The following TUBA4A variants were observed in gnomAD, a reference collection of about 807,000 sequenced individuals.
The protein encoded by TUBA4A is tubulin alpha-4A chain.
TUBA4A carries 23 observed loss-of-function variants against 34.3 expected under a neutral mutation model. The observed-to-expected ratio is 0.67, with a 90% CI of 0.48 to 0.95. The LOEUF (loss-of-function observed/expected upper bound fraction) is 0.95, where lower values mean the gene tolerates loss of function less well. TUBA4A is among the 40% of genes least tolerant of loss of function. The pLI, the probability that TUBA4A is intolerant of heterozygous loss-of-function variation, is 0.00. For synonymous variants in TUBA4A, 216 were observed against 230.5 expected (o/e 0.94, Z 0.57); for missense variants, 279 against 599.0 (o/e 0.47, Z 5.58).
In TUBA4A at chr2:219,252,202, T is replaced by G. The variant is rs923338283; in HGVS notation, c.32A>C (p.Gln11Pro). The G allele has an allele frequency of 3.7e-6, 6 of 1,613,954 alleles. No homozygotes were observed. In the Admixed American group the frequency reaches 6.7e-5, roughly 18 times the overall value. ...GGCATTGCCCATCTGGACACCTGCC[T>G]GCCCCACGTGGACTGAGATGCATTC... MRECISVHVGQAGVQMGNACW... is the reference protein window; with the variant it reads MRECISVHVGPAGVQMGNACW... Residue 11 changes from glutamine to proline, a missense_variant, in exon 2 of 4, where the codon CAG (glutamine) becomes CCG (proline). Around this residue, in one of 3 missense-constraint regions of TUBA4A, gnomAD observed 98 missense variants for 171.1 expected, o/e 0.57. Coordinates refer to ENST00000248437, the MANE Select transcript of TUBA4A (RefSeq NM_006000.3). The surrounding 1 kb of genome is among the most constrained non-coding windows in gnomAD (Gnocchi z 4.1).
rs1031012873 is a variant in TUBA4A at position 219,252,688 on chromosome 2, C to T, written c.4-458G>A. The T allele has an allele frequency of 6.8e-6, 3 of 442,510 alleles. No homozygotes were observed. Among genetic ancestry groups the T allele is most frequent in the African/African-American group, 4.0e-5 (2 of 49,692 alleles). 27.4% of individuals were successfully genotyped at this position (442,510 alleles called of 1,614,324 possible). A position where few individuals can be genotyped will look rare whatever the true frequency, so the allele number is the denominator to read the frequency against. On this transcript the variant is annotated intron_variant, in intron 1 of 3. Transcript: ENST00000248437. This position sits in a 1 kb window ranked among gnomAD's most constrained non-coding sequence, Gnocchi z 4.1. Reference sequence around the variant, plus strand: ...GACCACACGCCATCAGGATGCCCTCCTCCCTCACCTTTAAATCCCATCTGG... The same window carrying T: ...GACCACACGCCATCAGGATGCCCTCTTCCCTCACCTTTAAATCCCATCTGG...
At position 219,252,719 on chromosome 2, in the gene TUBA4A, G is replaced by A. The variant is rs1240645862; in HGVS notation, c.4-489C>T. Reference sequence around the variant, plus strand: ...CACCTTTAAATCCCATCTGGCTCTGGGGATCAATCCCATCTGGCTCCTCTC... The same window carrying A: ...CACCTTTAAATCCCATCTGGCTCTGAGGATCAATCCCATCTGGCTCCTCTC... On this transcript the variant is annotated intron_variant, in intron 1 of 3. Transcript: ENST00000248437. This position sits in a 1 kb window ranked among gnomAD's most constrained non-coding sequence, Gnocchi z 4.1. The A allele has an allele frequency of 1.8e-5, 8 of 456,350 alleles. No homozygotes were observed. The Admixed American group carries it at 1.9e-4, about 11-fold the overall frequency. The allele number at this position is 456,350 out of a possible 1,614,324, so 28.3% of individuals were successfully genotyped here. A position where few individuals can be genotyped will look rare whatever the true frequency, so the allele number is the denominator to read the frequency against.
chr2:219,252,877 C>T lies in TUBA4A; in HGVS notation c.4-647G>A. 2.1e-6 allele frequency: 1 copy of T among 472,324 alleles called. No individual in the cohort carries two copies. Among genetic ancestry groups the T allele is most frequent in the Non-Finnish European group, 4.4e-6 (1 of 227,892 alleles). The allele number at this position is 472,324 out of a possible 1,614,324, so 29.3% of individuals were successfully genotyped here. A position where few individuals can be genotyped will look rare whatever the true frequency, so the allele number is the denominator to read the frequency against. Reference sequence around the variant, plus strand: ...GCAATAAGGTTTGAGGGTACTGGGGCGCTCACTGCCTTAGGCTCCGTCCCT... The same window carrying T: ...GCAATAAGGTTTGAGGGTACTGGGGTGCTCACTGCCTTAGGCTCCGTCCCT... On this transcript the variant is annotated intron_variant, in intron 1 of 3. Transcript: ENST00000248437. The surrounding 1 kb of genome is among the most constrained non-coding windows in gnomAD (Gnocchi z 4.1).
chr2:219,253,842 C>G lies in TUBA4A; in HGVS notation c.3+14G>C. 6.6e-7 allele frequency: 1 copy of G among 1,508,224 alleles called. No individual in the cohort carries two copies. The highest frequency in any genetic ancestry group is 8.8e-7 in the Non-Finnish European group (1 of 1,132,462). The allele number at this position is 1,508,224 out of a possible 1,614,324, so 93.4% of individuals were successfully genotyped here. On this transcript the variant is annotated intron_variant, in intron 1 of 3. Transcript: ENST00000248437. ...ATTAGGGGACAGGCGCGACCCCGGCCGGGCCGCACTCACCATGGTGAGTCC... is the reference window on the plus strand; with the variant it reads ...ATTAGGGGACAGGCGCGACCCCGGCGGGGCCGCACTCACCATGGTGAGTCC...
rs1283937667 is a variant in TUBA4A, at chr2:219,250,319, A to G, written c.*33T>C. ...CTGTTTATTTCGAAAGGATTTTGCAATAAACATAGTGAATAGGCTCCAGGC... is the reference window on the plus strand; with the variant it reads ...CTGTTTATTTCGAAAGGATTTTGCAGTAAACATAGTGAATAGGCTCCAGGC... On this transcript the variant is annotated 3_prime_UTR_variant, in exon 4 of 4. Transcript: ENST00000248437. This position sits in a 1 kb window ranked among gnomAD's most constrained non-coding sequence, Gnocchi z 8.4. 2 of 1,571,780 alleles carry G rather than the reference A, an allele frequency of 1.3e-6. No homozygotes were observed. Among genetic ancestry groups the G allele is most frequent in the Admixed American group, 1.9e-5 (1 of 53,836 alleles).
upstream of TUBA4A, chr2:219,253,959 G>A (rs1003587852): frequency 7.0e-6 from 8 of 1,147,208 alleles, no homozygotes; most frequent in Admixed American, 1.9e-4. Flanking sequence ...GCGGGGGGGG[G>A]GCGGGGCCCG....
In TUBA4A at chr2:219,250,136, G is replaced by T; in HGVS notation, c.*216C>A. Reference sequence around the variant, plus strand: ...AGGACTTCAATTTAAAGTCCCTGGGGTTATGCTTCCTGGGCCTGGCAAGAA... The same window carrying T: ...AGGACTTCAATTTAAAGTCCCTGGGTTTATGCTTCCTGGGCCTGGCAAGAA... On this transcript the variant is annotated 3_prime_UTR_variant, in exon 4 of 4. Coordinates refer to ENST00000248437, the MANE Select transcript of TUBA4A (RefSeq NM_006000.3). This position sits in a 1 kb window ranked among gnomAD's most constrained non-coding sequence, Gnocchi z 8.4. The T allele has an allele frequency of 2.9e-6, 2 of 701,374 alleles. No homozygotes were observed. Among genetic ancestry groups the T allele is most frequent in the Non-Finnish European group, 4.8e-6 (2 of 415,684 alleles). 43.4% of individuals were successfully genotyped at this position (701,374 alleles called of 1,614,324 possible).
intron 1 of TUBA4A, chr2:219,253,429 C>A (rs973474520): frequency 1.5e-5 from 22 of 1,510,820 alleles, no homozygotes; most frequent in Middle Eastern, 3.4e-4. Flanking sequence ...GGTAACCTGA[C>A]CCCTTCCACC....
In TUBA4A at chr2:219,251,658, A is replaced by C; in HGVS notation, c.282T>G (p.Thr94=). 1 of 1,614,108 alleles carries C rather than the reference A, an allele frequency of 6.2e-7. No individual in the cohort carries two copies. Among genetic ancestry groups the C allele is most frequent in the Middle Eastern group, 1.6e-4 (1 of 6,062 alleles). ...RQLFHPEQLI[T]GKEDAANNYA... is the part of the protein sequence containing the mutation. ...AGTTGTTGGCAGCATCCTCTTTCCC[A>C]GTGATGAGCTGCTCTGGGTGGAAGA... is the stretch of plus-strand genomic sequence containing the variant. The change falls in exon 3 of 4, where the codon ACT becomes ACG. Residue 94 remains threonine, a synonymous_variant. Coordinates refer to ENST00000248437, the MANE Select transcript of TUBA4A (RefSeq NM_006000.3). This position sits in a 1 kb window ranked among gnomAD's most constrained non-coding sequence, Gnocchi z 6.1.
chr2:219,251,637 G>A lies in TUBA4A; in HGVS notation c.303C>T (p.Asn101=), dbSNP rs752628707. The A allele has an allele frequency of 2.5e-6, 4 of 1,614,184 alleles. No individual in the cohort carries two copies. Among genetic ancestry groups the A allele is most frequent in the South Asian group, 1.1e-5 (1 of 91,082 alleles). Residue 101 remains asparagine (N), a synonymous_variant, in exon 3 of 4, where the codon AAC becomes AAT. Coordinates refer to ENST00000248437, the MANE Select transcript of TUBA4A (RefSeq NM_006000.3). This position sits in a 1 kb window ranked among gnomAD's most constrained non-coding sequence, Gnocchi z 6.1. ...QLITGKEDAA[N]NYARGHYTIG... is the part of the protein sequence containing the mutation. The stretch of plus-strand genomic sequence containing the variant: ...TGGTATAGTGACCACGGGCATAGTT[G>A]TTGGCAGCATCCTCTTTCCCAGTGA...
rs1350782666 is a variant in TUBA4A, at chr2:219,250,061, G to A, written c.*291C>T. 4 of 384,100 alleles carry A rather than the reference G, an allele frequency of 1.0e-5. No homozygotes were observed. In the East Asian group the frequency reaches 1.4e-4, roughly 13 times the overall value. 23.8% of individuals were successfully genotyped at this position (384,100 alleles called of 1,614,324 possible). Reference sequence around the variant, plus strand: ...GGAGCTGAAGACTCATCCTTCAACAGTTTGTGCCTGGATTTTGGTCCTCAT... The same window carrying A: ...GGAGCTGAAGACTCATCCTTCAACAATTTGTGCCTGGATTTTGGTCCTCAT... On this transcript the variant is annotated 3_prime_UTR_variant, in exon 4 of 4. Coordinates refer to ENST00000248437, the MANE Select transcript of TUBA4A (RefSeq NM_006000.3). The surrounding 1 kb of genome is among the most constrained non-coding windows in gnomAD (Gnocchi z 8.4).
chr2:219,250,229 C>T lies in TUBA4A; in HGVS notation c.*123G>A. The T allele has an allele frequency of 2.2e-6, 3 of 1,364,464 alleles. No homozygotes were observed. Among genetic ancestry groups the T allele is most frequent in the Non-Finnish European group, 3.0e-6 (3 of 993,444 alleles). 84.5% of individuals were successfully genotyped at this position (1,364,464 alleles called of 1,614,324 possible). On this transcript the variant is annotated 3_prime_UTR_variant, in exon 4 of 4. Transcript: ENST00000248437. This position sits in a 1 kb window ranked among gnomAD's most constrained non-coding sequence, Gnocchi z 8.4. The stretch of plus-strand genomic sequence containing the variant: ...TCATGAACAGCAAACAGAGCAGCAG[C>T]AGCATGAAGGGGAAGGCAGCAGAAG...
At chr2:219,253,051 G>A (rs1436625731) in intron 1 of TUBA4A, 2 of 1,013,822 alleles carry the variant, frequency 2.0e-6, no homozygotes, top group African/African-American at 1.6e-5. Context: ...CCTTGTCCCG[G>A]GCAGGATGGG....
rs565260433 is a variant in TUBA4A, at chr2:219,252,543, C to T, written c.4-313G>A. Among the ~76,000 whole-genome samples, 1 of 149,716 alleles carries T rather than the reference C, an allele frequency of 6.7e-6. No individual in the cohort carries two copies. The highest frequency in any genetic ancestry group is 2.2e-4 in the South Asian group (1 of 4,620). On this transcript the variant is annotated intron_variant, in intron 1 of 3. Coordinates refer to ENST00000248437, the MANE Select transcript of TUBA4A (RefSeq NM_006000.3). The surrounding 1 kb of genome is among the most constrained non-coding windows in gnomAD (Gnocchi z 4.1). ...AGGTATGGGTTTACAGCTAGAGGCC[C>T]CCCCCCCACTTGATTAATTATTTGC...
intron 1 of TUBA4A, chr2:219,253,382 G>C (rs886525782): frequency 6.5e-7 from 1 of 1,535,338 alleles, no homozygotes; most frequent in East Asian, 2.4e-5. Flanking sequence ...GTGGATAGTT[G>C]GAATGCATAC....
Position 219,251,614 on chromosome 2 carries a change from G to C in TUBA4A, c.326C>G (p.Thr109Ser). 5.0e-6 allele frequency: 8 copies of C among 1,614,144 alleles called. No homozygotes were observed. The highest frequency in any genetic ancestry group is 6.8e-6 in the Non-Finnish European group (8 of 1,180,016). The change falls in exon 3 of 4, where the codon ACC becomes AGC. Residue 109 changes from threonine to serine, a missense_variant. Coordinates refer to ENST00000248437, the MANE Select transcript of TUBA4A (RefSeq NM_006000.3). This position sits in a 1 kb window ranked among gnomAD's most constrained non-coding sequence, Gnocchi z 6.1. Reference protein sequence around the residue: ...AANNYARGHYTIGKEIIDPVL... With the variant: ...AANNYARGHYSIGKEIIDPVL... ...TGGGTCAATGATCTCCTTGCCAATG[G>C]TATAGTGACCACGGGCATAGTTGTT...
At position 219,250,149 on chromosome 2, in the gene TUBA4A, G is replaced by A. The variant is rs1201004896; in HGVS notation, c.*203C>T. The A allele has an allele frequency of 2.7e-6, 2 of 751,214 alleles. No homozygotes were observed. Among genetic ancestry groups the A allele is most frequent in the Admixed American group, 2.5e-5 (1 of 40,062 alleles). The allele number at this position is 751,214 out of a possible 1,614,324, so 46.5% of individuals were successfully genotyped here. ...AAAGTCCCTGGGGTTATGCTTCCTG[G>A]GCCTGGCAAGAACCCCTTTGCAGGT... On this transcript the variant is annotated 3_prime_UTR_variant, in exon 4 of 4. Transcript: ENST00000248437. This position sits in a 1 kb window ranked among gnomAD's most constrained non-coding sequence, Gnocchi z 8.4.
At chr2:219,253,532 A>C (rs1951683987) in intron 1 of TUBA4A, 6 of 933,632 alleles carry the variant, frequency 6.4e-6, no homozygotes, top group Admixed American at 2.0e-5. Context: ...GCCCGCGGAA[A>C]GGACGGGGCG....
chr2:219,252,469 G>T lies in TUBA4A; in HGVS notation c.4-239C>A, dbSNP rs1488063933. Reference sequence around the variant, plus strand: ...ACCTCTTAGCCCACTTCTCAGTGGGGAATCTGTCAAGTGAGCACTGTGGCT... The same window carrying T: ...ACCTCTTAGCCCACTTCTCAGTGGGTAATCTGTCAAGTGAGCACTGTGGCT... On this transcript the variant is annotated intron_variant, in intron 1 of 3. Transcript: ENST00000248437. This position sits in a 1 kb window ranked among gnomAD's most constrained non-coding sequence, Gnocchi z 4.1. Among the ~76,000 whole-genome samples the T allele has an allele frequency of 1.3e-5, 2 of 152,188 alleles. No individual in the cohort carries two copies. The highest frequency in any genetic ancestry group is 2.4e-5 in the African/African-American group (1 of 41,510).
Sources: allele counts gnomAD v4.1 joint callset (sites outside exome capture counted in the v4.1 genomes callset), GRCh38; gene constraint gnomAD v4.1.1; regional missense constraint gnomAD v4.1.1; non-coding constraint Gnocchi (gnomAD v3.1); transcripts MANE v1.5; gene names NCBI Gene and HGNC (gene_info 2026-07-23, HGNC 2026-07-21).